FMO2: variants seen among roughly 807,000 people sequenced by gnomAD.
FMO2 encodes flavin containing dimethylaniline monoxygenase 2.
Under a neutral mutation model 41.6 loss-of-function variants are expected in FMO2, and 33 were observed. The ratio of observed to expected loss-of-function variants is 0.79; its 90% CI spans 0.60 to 1.06. The LOEUF (loss-of-function observed/expected upper bound fraction) is 1.06. Among genes scored for constraint, FMO2 ranks in the 50% least tolerant of loss-of-function variants. FMO2 has a pLI of 0.00. For missense variants in FMO2, 619 were observed against 632.9 expected (o/e 0.98, Z 0.23); for synonymous variants, 214 against 219.6 (o/e 0.97, Z 0.23).
Position 171,205,399 on chromosome 1 carries a change from A to G in FMO2, c.948A>G (p.Gly316=). The G allele has an allele frequency of 6.2e-7, 1 of 1,613,856 alleles. No individual in the cohort carries two copies. ...LTETSAIFED[G]TVEENIDVII... is the part of the protein sequence containing the mutation. ...AAACTTCTGCCATCTTTGAGGATGG[A>G]ACAGTGGAGGAGAACATTGATGTCA... The change falls in exon 7 of 9, where the codon GGA becomes GGG. Residue 316 remains glycine, a synonymous_variant. Transcript: ENST00000209929.
Position 171,209,209 on chromosome 1 carries a change from G to C in FMO2, c.*64G>C, listed in dbSNP as rs573522092. ...CTACCTCCTAAAGAAAAAAAAAAAGGCTAGAAGAAAAAACATTACATTCAT... is the reference window on the plus strand; with the variant it reads ...CTACCTCCTAAAGAAAAAAAAAAAGCCTAGAAGAAAAAACATTACATTCAT... On this transcript the variant is annotated 3_prime_UTR_variant, in exon 9 of 9. Transcript: ENST00000209929. 17 of 418,412 alleles carry C rather than the reference G, an allele frequency of 4.1e-5. No homozygotes were observed. In the South Asian group the frequency reaches 1.6e-3, roughly 39 times the overall value. The allele number at this position is 418,412 out of a possible 1,614,324, so 25.9% of individuals were successfully genotyped here. A position where few individuals can be genotyped will look rare whatever the true frequency, so the allele number is the denominator to read the frequency against.
chr1:171,204,665 A>G (rs375164268), intron 6 of FMO2, among the ~76,000 whole-genome samples: 1 of 152,184 alleles, frequency 6.6e-6, no homozygotes, highest in Non-Finnish European at 1.5e-5. Flanking sequence ...AAGATCTGAC[A>G]TAAGTGCCAC....
In FMO2 at chr1:171,189,654, C is replaced by CTTTTTTTTTTTTTTTT. The variant is rs199536748; in HGVS notation, c.133-3677_133-3676insTTTTTTTTTTTTTTTT. On this transcript the variant is annotated intron_variant, in intron 2 of 8. Coordinates refer to ENST00000209929, the MANE Select transcript of FMO2 (RefSeq NM_001460.5). The stretch of plus-strand genomic sequence containing the variant: ...ACAGAAATCTGAGCCCGTCTTTTTT[C>CTTTTTTTTTTTTTTTT]TTTTCTTTTTTTTTTTTTTTTTGAG... Among the ~76,000 whole-genome samples the CTTTTTTTTTTTTTTTT allele has an allele frequency of 3.3e-4, 40 of 122,776 alleles. 2 individuals are homozygous for CTTTTTTTTTTTTTTTT. The highest frequency in any genetic ancestry group is 5.6e-4 in the Admixed American group (6 of 10,802). The allele number at this position is 122,776 out of a possible 152,430, so 80.5% of individuals were successfully genotyped here.
At chr1:171,202,910 T>C (rs774281130) in intron 5 of FMO2, among the ~76,000 whole-genome samples, 5 of 152,166 alleles carry the variant, frequency 3.3e-5, no homozygotes, top group African/African-American at 4.8e-5. Flanking sequence ...CAGCAAAATA[T>C]ACATTTGAAA....
intron 5 of FMO2, among the ~76,000 whole-genome samples, chr1:171,202,647 AAACTGAG>A (rs1173389791): frequency 1.2e-4 from 19 of 152,244 alleles, no homozygotes; most frequent in Admixed American, 5.9e-4. Flanking sequence ...ACAGAGAGAG[AAACTGAG>A]GCACAGAGAG....
intron 5 of FMO2, among the ~76,000 whole-genome samples, chr1:171,202,112 C>T (rs1658564308): frequency 6.6e-6 from 1 of 152,138 alleles, no homozygotes; most frequent in Non-Finnish European, 1.5e-5. Flanking sequence ...GTTTCTCTCA[C>T]TGTTGCAGCT....
At chr1:171,193,275 TA>T (rs964555171) in intron 2 of FMO2, 59 bp from the exon 3 acceptor site, 43 of 1,336,012 alleles carry the variant, frequency 3.2e-5, no homozygotes, top group Middle Eastern at 1.9e-4. Context: ...GTAGGAAGAG[TA>T]AAAAACAAAA....
intron 2 of FMO2, among the ~76,000 whole-genome samples, chr1:171,187,054 A>G (rs1657883055): frequency 6.6e-6 from 1 of 152,242 alleles, no homozygotes; most frequent in Non-Finnish European, 1.5e-5. Flanking sequence ...GCAAACTGAA[A>G]GTGAGGGAGG....
chr1:171,189,022 A>G (rs1205618434), intron 2 of FMO2: 2 of 152,214 alleles, frequency 1.3e-5, no homozygotes, highest in African/African-American at 4.8e-5. Flanking sequence ...GTTTTCAGAT[A>G]AAGAATTTGC....
intron 5 of FMO2, among the ~76,000 whole-genome samples, chr1:171,200,129 C>T (rs757994061): frequency 6.6e-6 from 1 of 152,076 alleles, no homozygotes; most frequent in Non-Finnish European, 1.5e-5. Context: ...ATATAGATAA[C>T]CTTCAGTTAC....
intron 3 of FMO2, among the ~76,000 whole-genome samples, chr1:171,194,016 G>A (rs1388893578): frequency 6.6e-6 from 1 of 152,142 alleles, no homozygotes; most frequent in African/African-American, 2.4e-5. Context: ...CTGACCTCAA[G>A]TGATCCACCC....
chr1:171,193,520 C>G lies in FMO2; in HGVS notation c.318C>G (p.Phe106Leu). The G allele has an allele frequency of 6.3e-7, 1 of 1,584,862 alleles. No individual in the cohort carries two copies. The highest frequency in any genetic ancestry group is 2.2e-5 in the East Asian group (1 of 44,696). The change falls in exon 3 of 9, where the codon TTC becomes TTG. Residue 106 changes from phenylalanine to leucine, a missense_variant. Coordinates refer to ENST00000209929, the MANE Select transcript of FMO2 (RefSeq NM_001460.5). ...KKFDLLKYIQFQTTVLSVRKC... is the reference protein window; with the variant it reads ...KKFDLLKYIQLQTTVLSVRKC... Reference sequence around the variant, plus strand: ...TTGATCTGCTAAAATATATTCAGTTCCAGGTATTGTATTTTTGGGGAAATG... The same window carrying G: ...TTGATCTGCTAAAATATATTCAGTTGCAGGTATTGTATTTTTGGGGAAATG...
intron 2 of FMO2, among the ~76,000 whole-genome samples, chr1:171,189,231 T>C (rs964414975): frequency 6.6e-6 from 1 of 152,214 alleles, no homozygotes; most frequent in Non-Finnish European, 1.5e-5. Context: ...CCTGTGGGTT[T>C]TCTTTTAATA....
intron 4 of FMO2, among the ~76,000 whole-genome samples, chr1:171,198,325 C>T (rs545742102): frequency 6.7e-6 from 1 of 148,252 alleles, no homozygotes; most frequent in Non-Finnish European, 1.5e-5. Flanking sequence ...AATAAGATTG[C>T]TAAATTGTAT....
In FMO2 at chr1:171,185,741, G is replaced by A; in HGVS notation, c.28G>A (p.Ala10Thr). The change falls in exon 2 of 9, where the codon GCT (alanine) becomes ACT (threonine). Residue 10 changes from alanine to threonine, a missense_variant. Ala to Thr is a moderately conservative substitution (Grantham distance 58). Transcript: ENST00000209929. ...GGCAAAGAAGGTAGCTGTGATTGGA[G>A]CTGGGGTCAGTGGCCTAATTTCTCT... MAKKVAVIG[A>T]GVSGLISLKC... 6.2e-7 allele frequency: 1 copy of A among 1,613,888 alleles called. No individual in the cohort carries two copies. Among genetic ancestry groups the A allele is most frequent in the Middle Eastern group, 1.7e-4 (1 of 6,054 alleles).
At position 171,203,323 on chromosome 1, in the gene FMO2, TCACA is replaced by T. The variant is rs10628039; in HGVS notation, c.628-509_628-506del. Among the ~76,000 whole-genome samples the T allele has an allele frequency of 7.3e-3, 1,047 of 144,022 alleles. 9 individuals are homozygous for T. The highest frequency in any genetic ancestry group is 0.022 in the African/African-American group (833 of 38,050). 94.5% of individuals were successfully genotyped at this position (144,022 alleles called of 152,430 possible). ...CTGAGTGACAGAGCAAGACCCTGTC[TCACA>T]CACACACACACACACACACACACAC... On this transcript the variant is annotated intron_variant, in intron 5 of 8. Coordinates refer to ENST00000209929, the MANE Select transcript of FMO2 (RefSeq NM_001460.5).
intron 6 of FMO2, among the ~76,000 whole-genome samples, chr1:171,204,996 A>G (rs1253384544): frequency 1.3e-5 from 2 of 152,214 alleles, no homozygotes; most frequent in Admixed American, 1.3e-4. Flanking sequence ...GGGATTGACC[A>G]TAGGCACAGG....
intron 4 of FMO2, among the ~76,000 whole-genome samples, chr1:171,198,429 A>T (rs1658386741): frequency 6.8e-6 from 1 of 146,080 alleles, no homozygotes. Flanking sequence ...TTTTTTTGAG[A>T]TGGAGTCTCA....
chr1:171,203,950 G>A lies in FMO2; in HGVS notation c.713G>A (p.Arg238Gln), dbSNP rs28369895. Reference sequence around the variant, plus strand: ...CCTTGGGACTCAGTGTTCCACACCCGGTTTCGTTCTATGCTCCGCAATGTA... The same window carrying A: ...CCTTGGGACTCAGTGTTCCACACCCAGTTTCGTTCTATGCTCCGCAATGTA... ...GYPWDSVFHT[R>Q]FRSMLRNVLP... The change falls in exon 6 of 9, where the codon CGG (arginine) becomes CAG (glutamine). Residue 238 changes from arginine to glutamine, a missense_variant. Transcript: ENST00000209929. 2.2e-3 allele frequency: 3,523 copies of A among 1,613,680 alleles called. 68 individuals are homozygous for A. In the African/African-American group the frequency reaches 0.039, roughly 18 times the overall value.
Sources: gnomAD v4.1 joint callset for allele counts (sites outside exome capture counted in the v4.1 genomes callset) on GRCh38, gnomAD v4.1.1 for gene constraint, MANE v1.5 for transcripts, NCBI Gene and HGNC (gene_info 2026-07-23, HGNC 2026-07-21) for gene names.